MICALL2: variants seen among roughly 807,000 people sequenced by gnomAD.
MICALL2 encodes MICAL-like protein 2.
Under a neutral mutation model 91.1 loss-of-function variants are expected in MICALL2, and 111 were observed. The ratio of observed to expected loss-of-function variants is 1.22; its 90% CI spans 1.04 to 1.43. The LOEUF is 1.43. MICALL2 is among the 40% of genes most tolerant of loss of function. MICALL2 has a pLI of 0.00. For synonymous variants in MICALL2, 694 were observed against 525.3 expected (o/e 1.32, Z -4.39); for missense variants, 1,556 against 1,236.0 (o/e 1.26, Z -3.88).
At chr7:1,438,474 A>G in intron 10 of MICALL2, 121 bp from the exon 11 acceptor site, 1 of 1,486,626 alleles carries the variant, frequency 6.7e-7, no homozygotes, top group Non-Finnish European at 9.0e-7. Flanking sequence ...TGCCTCCCTA[A>G]TGCCCCACAC....
Position 1,445,112 on chromosome 7 carries a change from C to T in MICALL2, c.958G>A (p.Ala320Thr). 3 of 1,555,876 alleles carry T rather than the reference C, an allele frequency of 1.9e-6. No homozygotes were observed. The highest frequency in any genetic ancestry group is 2.6e-6 in the Non-Finnish European group (3 of 1,150,714). Reference protein sequence around the residue: ...SATSVHVRSPARPSESRLAPT... With the variant: ...SATSVHVRSPTRPSESRLAPT... ...GCCAGGCGGCTCTCAGAGGGCCTGG[C>T]TGGGCTCCTCACGTGGACGGACGTG... is the stretch of plus-strand genomic sequence containing the variant. Residue 320 changes from alanine to threonine, a missense_variant, in exon 6 of 17, where the codon GCC becomes ACC. By Grantham distance (58) the Ala-to-Thr change is moderately conservative. Transcript: ENST00000297508.
rs920640994 is a variant in MICALL2, at chr7:1,444,810, A to G, written c.1260T>C (p.Phe420=). 11 of 1,610,906 alleles carry G rather than the reference A, an allele frequency of 6.8e-6. No individual in the cohort carries two copies. Among genetic ancestry groups the G allele is most frequent in the Non-Finnish European group, 8.5e-6 (10 of 1,179,144 alleles). ...ASRTQQARNK[F]FQTSAVPPGT... ...CGGGGGGCACTGCTGATGTTTGGAA[A>G]AACTTATTCCGGGCCTGCTGGGTCC... The change falls in exon 6 of 17, where the codon TTT becomes TTC. Residue 420 remains phenylalanine, a synonymous_variant. Coordinates refer to ENST00000297508, the MANE Select transcript of MICALL2 (RefSeq NM_182924.4).
chr7:1,437,238 A>T (rs183703298), intron 14 of MICALL2: 3 of 500,906 alleles, frequency 6.0e-6, no homozygotes, highest in Non-Finnish European at 1.1e-5. Flanking sequence ...CTGCTGCTAC[A>T]CTAAATGCCT....
In MICALL2 at chr7:1,459,244, G is replaced by A. The variant is rs371413714; in HGVS notation, c.83C>T (p.Thr28Met). The A allele has an allele frequency of 3.7e-6, 6 of 1,611,304 alleles. No homozygotes were observed. In the African/African-American group the frequency reaches 8.0e-5, roughly 22 times the overall value. The part of the protein sequence containing the change: ...YRDVNICNMT[T>M]SFRDGLAFCA... ...GAAAGCCAGGCCGTCGCGGAACGAC[G>A]TGGTCATGTTGCAGATATTCACGTC... Residue 28 changes from threonine (T) to methionine (M), a missense_variant, in exon 1 of 17, where the codon ACG becomes ATG. Thr to Met is a moderately conservative substitution (Grantham distance 81). Coordinates refer to ENST00000297508, the MANE Select transcript of MICALL2 (RefSeq NM_182924.4).
chr7:1,445,355 T>C lies in MICALL2; in HGVS notation c.715A>G (p.Thr239Ala). Residue 239 changes from threonine to alanine, a missense_variant, in exon 6 of 17, where the codon ACC becomes GCC. Transcript: ENST00000297508. ...ATGEPGTFVC[T>A]SHLPAAASAS... Reference sequence around the variant, plus strand: ...GAGGCGGCTGCGGGGAGGTGGCTGGTGCAGACGAAGGTGCCCGGCTCTCCT... The same window carrying C: ...GAGGCGGCTGCGGGGAGGTGGCTGGCGCAGACGAAGGTGCCCGGCTCTCCT... The C allele has an allele frequency of 6.3e-7, 1 of 1,597,618 alleles. No homozygotes were observed. The highest frequency in any genetic ancestry group is 8.5e-7 in the Non-Finnish European group (1 of 1,176,418).
chr7:1,455,127 C>T (rs900116476), intron 1 of MICALL2, among the ~76,000 whole-genome samples: 1 of 152,230 alleles, frequency 6.6e-6, no homozygotes, highest in Non-Finnish European at 1.5e-5. Flanking sequence ...GCCTGCCCTC[C>T]CTCCAGCCCT....
chr7:1,442,039 G>T (rs2128521171), intron 7 of MICALL2, 153 bp downstream of exon 7: 2 of 870,470 alleles, frequency 2.3e-6, no homozygotes, highest in South Asian at 3.2e-5. Context: ...GACCCCAGGA[G>T]GCTGCGAGCA....
At chr7:1,446,577 G>C in intron 5 of MICALL2, 136 bp downstream of exon 5, 1 of 602,696 alleles carries the variant, frequency 1.7e-6, no homozygotes, top group Non-Finnish European at 3.0e-6. Flanking sequence ...AGGGGGAGGG[G>C]GGAGGAGGGG....
At chr7:1,439,734 T>TGCACACATGCATCACAC in intron 9 of MICALL2, 191 bp downstream of exon 9, 1 of 455,058 alleles carries the variant, frequency 2.2e-6, no homozygotes, top group East Asian at 3.5e-5. Flanking sequence ...CATGAACACA[T>TGCACACATGCATCACAC]GCACACATGC....
chr7:1,455,871 G>A (rs1054523388), intron 1 of MICALL2, among the ~76,000 whole-genome samples: 4 of 152,084 alleles, frequency 2.6e-5, no homozygotes, highest in Admixed American at 1.3e-4. Context: ...TTCACTGGAA[G>A]GAGAGGGGAA....
chr7:1,458,552 C>G (rs1562472953), intron 1 of MICALL2, among the ~76,000 whole-genome samples: 2 of 152,264 alleles, frequency 1.3e-5, no homozygotes, highest in Admixed American at 6.5e-5. Flanking sequence ...GCAGGGCCAG[C>G]TGCCCAGCTA....
intron 1 of MICALL2, among the ~76,000 whole-genome samples, chr7:1,454,909 C>T (rs1780959834): frequency 6.6e-6 from 1 of 152,180 alleles, no homozygotes; most frequent in South Asian, 2.1e-4. Context: ...CACTTCCTGG[C>T]CCAGCCCTGA....
At position 1,437,884 on chromosome 7, in the gene MICALL2, T is replaced by C. The variant is rs1348077210; in HGVS notation, c.2402+6A>G. 1 of 1,548,508 alleles carries C rather than the reference T, an allele frequency of 6.5e-7. No homozygotes were observed. Among genetic ancestry groups the C allele is most frequent in the African/African-American group, 1.4e-5 (1 of 73,088 alleles). On this transcript the variant is annotated splice_donor_region_variant and intron_variant, in intron 13 of 16. Transcript: ENST00000297508. ...TTCGAGGAGGGGCCCACGGCTGGGC[T>C]CTCACTTGTACATCAGCTCTGACTC...
rs1044893358 is a variant in MICALL2 at position 1,438,220 on chromosome 7, G to A, written c.2188C>T (p.Leu730=). ...PGETVTSPVR[L]HPDYLSPEEI... ...TCCGGGGAGAGGTAGTCGGGGTGCAGCTGGGAACGGAGGGGCGGTGAGGAT... is the reference window on the plus strand; with the variant it reads ...TCCGGGGAGAGGTAGTCGGGGTGCAACTGGGAACGGAGGGGCGGTGAGGAT... Residue 730 remains leucine (L), a splice_region_variant and synonymous_variant, in exon 12 of 17, where the codon CTG becomes TTG. Coordinates refer to ENST00000297508, the MANE Select transcript of MICALL2 (RefSeq NM_182924.4). The A allele has an allele frequency of 6.3e-7, 1 of 1,587,888 alleles. No individual in the cohort carries two copies. Among genetic ancestry groups the A allele is most frequent in the Non-Finnish European group, 8.6e-7 (1 of 1,167,294 alleles).
chr7:1,454,457 G>A (rs1413441890), intron 1 of MICALL2, among the ~76,000 whole-genome samples: 1 of 152,056 alleles, frequency 6.6e-6, no homozygotes, highest in African/African-American at 2.4e-5. Flanking sequence ...GGAGAGGAGG[G>A]GGTGGGCAGG....
chr7:1,457,797 G>A (rs1311466476), intron 1 of MICALL2, among the ~76,000 whole-genome samples: 2 of 152,220 alleles, frequency 1.3e-5, no homozygotes, highest in African/African-American at 2.4e-5. Flanking sequence ...GGCTTTTCGG[G>A]CTGGCCCCAG....
chr7:1,456,513 G>A (rs545527688), intron 1 of MICALL2, among the ~76,000 whole-genome samples: 3 of 152,326 alleles, frequency 2.0e-5, no homozygotes, highest in Non-Finnish European at 2.9e-5. Context: ...TTGAACCTGG[G>A]AGGCGGAGGT....
chr7:1,435,014 G>A (rs1205610180), intron 16 of MICALL2, 87 bp downstream of exon 16: 125 of 518,050 alleles, frequency 2.4e-4, no homozygotes, highest in East Asian at 1.4e-3. Flanking sequence ...CTGGAGGCCC[G>A]GTCCACCCAG....
intron 1 of MICALL2, 80 bp from the exon 2 acceptor site, chr7:1,450,368 C>A: frequency 1.6e-6 from 2 of 1,223,844 alleles, no homozygotes; most frequent in Non-Finnish European, 2.4e-6. Flanking sequence ...GGTCATCTTG[C>A]CCAAACAGAG....
Sources: gnomAD v4.1 joint callset for allele counts (sites outside exome capture counted in the v4.1 genomes callset) on GRCh38, gnomAD v4.1.1 for gene constraint, MANE v1.5 for transcripts, NCBI Gene and HGNC (gene_info 2026-07-23, HGNC 2026-07-21) for gene names.